AFF3: variants seen among roughly 807,000 people sequenced by gnomAD.
AFF3 encodes ALF transcription elongation factor 3, also known as AF4/FMR2 family member 3.
AFF3 carries 32 observed loss-of-function variants against 129.7 expected under a neutral mutation model. The observed-to-expected ratio is 0.25, with a 90% confidence interval of 0.19 to 0.33. The LOEUF is 0.33. Among genes scored for constraint, AFF3 ranks in the 10% least tolerant of loss-of-function variants. The pLI, the probability that AFF3 is intolerant of heterozygous loss-of-function variation, is 1.00. For missense variants in AFF3, 1,373 were observed against 1,592.0 expected, an observed-to-expected ratio of 0.86 and a Z score of 2.34; for synonymous variants, 644 against 635.4, an observed-to-expected ratio of 1.01 and a Z score of -0.20.
At chr2:99,947,669 C>CAGACAGACAGACAGACAGAT (rs1553486293) in intron 7 of AFF3, among the ~76,000 whole-genome samples, 7 of 149,258 alleles carry the variant, frequency 4.7e-5, no homozygotes, top group African/African-American at 1.5e-4. Context: ...GACAGACAGA[C>CAGACAGACAGACAGACAGAT]AGATAGATCG....
chr2:99,837,511 C>T lies in AFF3; in HGVS notation c.887G>A (p.Gly296Glu), dbSNP rs186735840. The change falls in exon 8 of 25, where the codon GGA becomes GAA. Residue 296 changes from glycine to glutamate, a missense_variant. Gly to Glu is a moderately conservative substitution (Grantham distance 98). Coordinates refer to ENST00000672756, the MANE Select transcript of AFF3 (RefSeq NM_001386135.1). ...TTCTTCAACACAGCTGTTGGTTTCT[C>T]CAGATCTACTCTCCTGAAAGCAAAG... ...IPKQGEESRS[G>E]ETNSCVEEII... is the part of the protein sequence containing the mutation. The T allele has an allele frequency of 1.5e-5, 24 of 1,613,672 alleles. No homozygotes were observed. The East Asian group carries it at 4.7e-4, about 31-fold the overall frequency.
chr2:100,071,255 A>G (rs944533888), intron 4 of AFF3, among the ~76,000 whole-genome samples: 2 of 152,232 alleles, frequency 1.3e-5, no homozygotes, highest in Non-Finnish European at 2.9e-5. Context: ...TGGAAATGTC[A>G]TCATATACAA....
rs375966577 is a variant in AFF3 at position 100,077,105 on chromosome 2, C to T, written c.53+27297G>A. Among the ~76,000 whole-genome samples, 472 of 152,022 alleles carry T rather than the reference C, an allele frequency of 3.1e-3. 4 individuals are homozygous for T. Among genetic ancestry groups the T allele is most frequent in the African/African-American group, 0.011 (445 of 41,466 alleles). On this transcript the variant is annotated intron_variant, in intron 4 of 24. Transcript: ENST00000672756. ...CTCTACTAAAAATTCAAAACGTAGC[C>T]GGGCATGGTGGCAGGCACCTGTAAT...
intron 4 of AFF3, among the ~76,000 whole-genome samples, chr2:100,050,701 T>C (rs1686246767): frequency 6.6e-6 from 1 of 152,202 alleles, no homozygotes; most frequent in Non-Finnish European, 1.5e-5. Flanking sequence ...GGATTTTGTC[T>C]GACCGAGAGA....
chr2:99,988,778 T>C (rs1016019931), intron 7 of AFF3, among the ~76,000 whole-genome samples: 2 of 113,800 alleles, frequency 1.8e-5, no homozygotes, highest in African/African-American at 2.6e-5. Context: ...CACTGAACAC[T>C]GCCCTAGGAA....
rs1022743899 is a variant in AFF3 at position 99,549,620 on chromosome 2, T to G, written c.*1854A>C. ...GAAAGGGTTGTAAGAAGCACCCCAG[T>G]TGGAGACATGTAAAATGGAAATTCT... is the stretch of plus-strand genomic sequence containing the variant. On this transcript the variant is annotated 3_prime_UTR_variant, in exon 25 of 25. Transcript: ENST00000672756. 2 of 203,502 alleles carry G rather than the reference T, an allele frequency of 9.8e-6. No individual in the cohort carries two copies. The highest frequency in any genetic ancestry group is 2.0e-5 in the Non-Finnish European group (2 of 99,214). The allele number at this position is 203,502 out of a possible 1,614,324, so 12.6% of individuals were successfully genotyped here.
chr2:99,860,944 C>T (rs1576211528), intron 7 of AFF3, among the ~76,000 whole-genome samples: 2 of 152,148 alleles, frequency 1.3e-5, no homozygotes, highest in Admixed American at 1.3e-4. Flanking sequence ...GTAAGCAGTG[C>T]AGCATTATGA....
At chr2:99,851,765 C>T (rs1223972843) in intron 7 of AFF3, among the ~76,000 whole-genome samples, 1 of 152,220 alleles carries the variant, frequency 6.6e-6, no homozygotes, top group Non-Finnish European at 1.5e-5. Context: ...TGTGTCTTCA[C>T]CTCCCACTGT....
rs143706151 is a variant in AFF3, at chr2:99,909,611, T to TA, written c.874-72088dup. ...CCTAAAACTTAAAGTATAATAATAA[T>TA]AAAAAAAAAAGAAAAGAAAAAAGAA... On this transcript the variant is annotated intron_variant, in intron 7 of 24. Coordinates refer to ENST00000672756, the MANE Select transcript of AFF3 (RefSeq NM_001386135.1). Among the ~76,000 whole-genome samples the TA allele has an allele frequency of 8.8e-4, 121 of 136,868 alleles. 1 individual carries two copies. The highest frequency in any genetic ancestry group is 3.7e-3 in the South Asian group (16 of 4,338). 89.8% of individuals were successfully genotyped at this position (136,868 alleles called of 152,430 possible). A position where few individuals can be genotyped will look rare whatever the true frequency, so the allele number is the denominator to read the frequency against.
chr2:99,760,783 T>G lies in AFF3; in HGVS notation c.922-8482A>C, dbSNP rs1318043007. 2.6e-5 allele frequency among the ~76,000 whole-genome samples: 4 copies of G among 152,332 alleles called. No individual in the cohort carries two copies. In the East Asian group the frequency reaches 7.7e-4, roughly 29 times the overall value. Reference sequence around the variant, plus strand: ...TCTAGCTGGCGACCTTCGGATCTTATAAACTCCCCTGCCCTTTCTTTGCTT... The same window carrying G: ...TCTAGCTGGCGACCTTCGGATCTTAGAAACTCCCCTGCCCTTTCTTTGCTT... On this transcript the variant is annotated intron_variant, in intron 8 of 24. Transcript: ENST00000672756.
intron 8 of AFF3, among the ~76,000 whole-genome samples, chr2:99,767,302 T>C (rs1683096967): frequency 6.6e-6 from 1 of 152,198 alleles, no homozygotes; most frequent in African/African-American, 2.4e-5. Context: ...GCTGCATGGT[T>C]CTGATGGGTC....
chr2:100,070,782 T>C (rs1688118121), intron 4 of AFF3, among the ~76,000 whole-genome samples: 1 of 152,218 alleles, frequency 6.6e-6, no homozygotes, highest in Non-Finnish European at 1.5e-5. Context: ...TGTCAGCTCA[T>C]GGTAGATGCT....
At chr2:100,000,010 C>CA (rs1681232352) in intron 7 of AFF3, among the ~76,000 whole-genome samples, 1 of 152,196 alleles carries the variant, frequency 6.6e-6, no homozygotes, top group Non-Finnish European at 1.5e-5. Flanking sequence ...ACATGAGTAG[C>CA]TATGGAATGG....
chr2:99,904,146 T>C (rs1196960574), intron 7 of AFF3, among the ~76,000 whole-genome samples: 5 of 152,144 alleles, frequency 3.3e-5, no homozygotes, highest in African/African-American at 1.2e-4. Flanking sequence ...CAGCTGGAAA[T>C]GGAAGCTACG....
At chr2:99,965,332 C>T (rs1677642096) in intron 7 of AFF3, among the ~76,000 whole-genome samples, 1 of 152,178 alleles carries the variant, frequency 6.6e-6, no homozygotes, top group Non-Finnish European at 1.5e-5. Context: ...GGAAAAGAAG[C>T]CTTAGTCAAA....
At chr2:99,591,451 T>C (rs1370843016) in intron 15 of AFF3, among the ~76,000 whole-genome samples, 1 of 152,150 alleles carries the variant, frequency 6.6e-6, no homozygotes, top group Non-Finnish European at 1.5e-5. Context: ...CCTCCCAAAG[T>C]GCTAGGATTA....
chr2:99,691,425 C>T lies in AFF3; in HGVS notation c.1092-18836G>A, dbSNP rs558177908. Reference sequence around the variant, plus strand: ...TTGCTGATGCTATTGTGCCCTTGTCCCCGCTTGGTGTCCAAACTGGAGCAT... The same window carrying T: ...TTGCTGATGCTATTGTGCCCTTGTCTCCGCTTGGTGTCCAAACTGGAGCAT... On this transcript the variant is annotated intron_variant, in intron 11 of 24. Transcript: ENST00000672756. Among the ~76,000 whole-genome samples, 12 of 152,230 alleles carry T rather than the reference C, an allele frequency of 7.9e-5. No homozygotes were observed. In the East Asian group the frequency reaches 2.3e-3, roughly 29 times the overall value.
At chr2:99,919,406 T>C (rs570812806) in intron 7 of AFF3, among the ~76,000 whole-genome samples, 2 of 152,264 alleles carry the variant, frequency 1.3e-5, no homozygotes, top group Middle Eastern at 6.8e-3. Context: ...GAATGGGTTG[T>C]CGAATACGGG....
At chr2:100,139,356 T>C (rs1476656417) in intron 1 of AFF3, among the ~76,000 whole-genome samples, 6 of 152,204 alleles carry the variant, frequency 3.9e-5, no homozygotes, top group South Asian at 2.1e-4. Flanking sequence ...CAGGATCTAA[T>C]TGGTAACATA....
Sources: allele counts gnomAD v4.1 joint callset (sites outside exome capture counted in the v4.1 genomes callset), GRCh38; gene constraint gnomAD v4.1.1; transcripts MANE v1.5; gene names NCBI Gene and HGNC (gene_info 2026-07-23, HGNC 2026-07-21).